CCSER1: variants seen among roughly 807,000 people sequenced by gnomAD.
The protein encoded by CCSER1 is serine-rich coiled-coil domain-containing protein 1.
Under a neutral mutation model 82.0 loss-of-function variants are expected in CCSER1, and 41 were observed. The ratio of observed to expected loss-of-function variants is 0.50; its 90% CI spans 0.39 to 0.65. The LOEUF is 0.65. CCSER1 is among the 30% of genes least tolerant of loss of function. The probability of loss-of-function intolerance (pLI) is 0.00; values close to 1 mark genes in which losing one functional copy is unlikely to be tolerated. For synonymous variants in CCSER1, 414 were observed against 383.9 expected (o/e 1.08, Z -0.92); for missense variants, 1,119 against 1,064.2 (o/e 1.05, Z -0.72).
chr4:91,197,858 A>C (rs977096279), intron 10 of CCSER1, among the ~76,000 whole-genome samples: 2 of 151,246 alleles, frequency 1.3e-5, no homozygotes, highest in African/African-American at 4.8e-5. Flanking sequence ...CTTTTCTCCT[A>C]GCTTGTAAAA....
intron 10 of CCSER1, among the ~76,000 whole-genome samples, chr4:91,226,973 A>G (rs1345550487): frequency 6.6e-6 from 1 of 151,904 alleles, no homozygotes; most frequent in Non-Finnish European, 1.5e-5. Flanking sequence ...TTAAAGGATT[A>G]TGAGGATTAC....
chr4:90,550,571 A>G (rs1300253917), intron 5 of CCSER1, among the ~76,000 whole-genome samples: 2 of 152,180 alleles, frequency 1.3e-5, no homozygotes, highest in African/African-American at 2.4e-5. Context: ...TGAGGCAAAC[A>G]AGTTTTTGTG....
intron 10 of CCSER1, among the ~76,000 whole-genome samples, chr4:91,258,874 A>G (rs1740896145): frequency 6.6e-6 from 1 of 152,144 alleles, no homozygotes; most frequent in Admixed American, 6.5e-5. Flanking sequence ...ATGGTCATCA[A>G]TGTACTGAAG....
chr4:91,332,576 A>T (rs994790854), intron 10 of CCSER1, among the ~76,000 whole-genome samples: 4 of 151,858 alleles, frequency 2.6e-5, no homozygotes, highest in Non-Finnish European at 5.9e-5. Flanking sequence ...TTTCAGATAA[A>T]AAAAAAGGGC....
At chr4:90,285,176 T>G (rs865921241) in intron 1 of CCSER1, among the ~76,000 whole-genome samples, 1 of 152,084 alleles carries the variant, frequency 6.6e-6, no homozygotes, top group Non-Finnish European at 1.5e-5. Flanking sequence ...TCTATTTTTG[T>G]GAAGAATGTC....
intron 8 of CCSER1, among the ~76,000 whole-genome samples, chr4:90,898,460 G>C (rs986874169): frequency 7.7e-6 from 1 of 129,362 alleles, no homozygotes; most frequent in African/African-American, 2.9e-5. Context: ...TTTTTTTTTT[G>C]TATTTTTAGT....
chr4:90,135,178 C>A (rs973742457), intron 1 of CCSER1, among the ~76,000 whole-genome samples: 1 of 152,160 alleles, frequency 6.6e-6, no homozygotes, highest in African/African-American at 2.4e-5. Context: ...TGTGGCTTAA[C>A]ATTAAGCAGC....
intron 5 of CCSER1, among the ~76,000 whole-genome samples, chr4:90,621,216 C>G (rs1393666599): frequency 6.6e-6 from 1 of 152,120 alleles, no homozygotes; most frequent in Non-Finnish European, 1.5e-5. Flanking sequence ...AGGAAAATAG[C>G]TATAATTTTT....
At chr4:90,503,193 T>C (rs932886314) in intron 5 of CCSER1, among the ~76,000 whole-genome samples, 2 of 152,138 alleles carry the variant, frequency 1.3e-5, no homozygotes, top group East Asian at 3.9e-4. Flanking sequence ...ATGAGTGTTA[T>C]ATTGTTTTTT....
chr4:91,365,232 C>A (rs1003554559), intron 10 of CCSER1, among the ~76,000 whole-genome samples: 1 of 152,096 alleles, frequency 6.6e-6, no homozygotes, highest in Non-Finnish European at 1.5e-5. Flanking sequence ...ATGGGCTGAC[C>A]TGAGGTAAAC....
rs6836631 is a variant in CCSER1 at position 91,416,078 on chromosome 4, G to A, written c.2218-182494G>A. ...TATTACTGCCTCAGTTTCAGAACTT[G>A]TTATTGGTCTATTCAGGGATTCAGT... On this transcript the variant is annotated intron_variant, in intron 10 of 10. Transcript: ENST00000509176. Among the ~76,000 whole-genome samples the A allele has an allele frequency of 1.6e-3, 242 of 152,052 alleles. 1 individual carries two copies. The highest frequency in any genetic ancestry group is 5.7e-3 in the African/African-American group (235 of 41,512).
chr4:90,595,033 GATCT>G (rs1374390274), intron 5 of CCSER1, among the ~76,000 whole-genome samples: 1 of 151,504 alleles, frequency 6.6e-6, no homozygotes, highest in Non-Finnish European at 1.5e-5. Flanking sequence ...TGATTTCATC[GATCT>G]ATTAACAAGT....
At chr4:91,060,374 A>G (rs1248515132) in intron 9 of CCSER1, among the ~76,000 whole-genome samples, 1 of 152,170 alleles carries the variant, frequency 6.6e-6, no homozygotes, top group South Asian at 2.1e-4. Flanking sequence ...TTTTGAAAAC[A>G]TAATTATATT....
chr4:90,902,438 G>C (rs1402903014), intron 8 of CCSER1, among the ~76,000 whole-genome samples: 1 of 151,832 alleles, frequency 6.6e-6, no homozygotes, highest in Non-Finnish European at 1.5e-5. Context: ...TTTTGTTTTT[G>C]CTATCATTTG....
At chr4:90,703,516 C>A (rs1738608057) in intron 6 of CCSER1, among the ~76,000 whole-genome samples, 1 of 152,094 alleles carries the variant, frequency 6.6e-6, no homozygotes, top group Admixed American at 6.6e-5. Flanking sequence ...GAGTTCAATT[C>A]CTGGATATCC....
chr4:90,548,234 G>A (rs1293021156), intron 5 of CCSER1, among the ~76,000 whole-genome samples: 1 of 152,180 alleles, frequency 6.6e-6, no homozygotes, highest in Non-Finnish European at 1.5e-5. Flanking sequence ...TAAAGGAAAA[G>A]TAAGGTGGAT....
intron 6 of CCSER1, among the ~76,000 whole-genome samples, chr4:90,670,280 C>T (rs1390106365): frequency 2.0e-5 from 3 of 152,074 alleles, no homozygotes; most frequent in Non-Finnish European, 4.4e-5. Flanking sequence ...TAGAAGCAGA[C>T]GTTGAGACAG....
chr4:91,359,765 A>G (rs1180446078), intron 10 of CCSER1, among the ~76,000 whole-genome samples: 1 of 151,764 alleles, frequency 6.6e-6, no homozygotes, highest in African/African-American at 2.4e-5. Context: ...GATGCTGAGT[A>G]TTGGTGCATA....
At chr4:90,913,489 A>G (rs1726772278) in intron 8 of CCSER1, among the ~76,000 whole-genome samples, 1 of 152,224 alleles carries the variant, frequency 6.6e-6, no homozygotes, top group Non-Finnish European at 1.5e-5. Flanking sequence ...CTCCTGAAAG[A>G]AGCACTAAAT....
Sources: gnomAD v4.1 joint callset for allele counts (sites outside exome capture counted in the v4.1 genomes callset) on GRCh38, gnomAD v4.1.1 for gene constraint, MANE v1.5 for transcripts, NCBI Gene and HGNC (gene_info 2026-07-23, HGNC 2026-07-21) for gene names.